Variants in IL15 observed in about 807,000 individuals in gnomAD.
The protein encoded by IL15 is interleukin 15.
Under a neutral mutation model 19.6 loss-of-function variants are expected in IL15, and 11 were observed. The ratio of observed to expected loss-of-function variants is 0.56; its 90% CI spans 0.35 to 0.93. The LOEUF is 0.93. Ranked by LOEUF, IL15 falls within the 40% of genes least tolerant of loss-of-function variation. IL15 has a pLI of 0.01. For synonymous variants in IL15, 58 were observed against 59.6 expected (o/e 0.97, Z 0.12); for missense variants, 197 against 186.5 (o/e 1.06, Z -0.33).
At chr4:141,696,545 C>T (rs563371606) in intron 2 of IL15, among the ~76,000 whole-genome samples, 10 of 152,112 alleles carry the variant, frequency 6.6e-5, no homozygotes, top group Non-Finnish European at 1.0e-4. Flanking sequence ...AATATGAATT[C>T]TTCTACTTCA....
chr4:141,724,526 A>G (rs1730195804), intron 5 of IL15, among the ~76,000 whole-genome samples: 1 of 151,808 alleles, frequency 6.6e-6, no homozygotes, highest in Admixed American at 6.6e-5. Flanking sequence ...TTAATGAAAC[A>G]TAAAACTGGT....
chr4:141,708,322 C>T (rs972329990), intron 2 of IL15, among the ~76,000 whole-genome samples: 1 of 152,128 alleles, frequency 6.6e-6, no homozygotes, highest in African/African-American at 2.4e-5. Flanking sequence ...TTCATGTGAA[C>T]ATAGTGGAAT....
intron 5 of IL15, 46 bp from the exon 6 acceptor site, chr4:141,727,894 A>C: frequency 1.2e-6 from 1 of 811,600 alleles, no homozygotes. Context: ...ATAATATTTA[A>C]AGCAGGGCAT....
intron 2 of IL15, among the ~76,000 whole-genome samples, chr4:141,707,366 T>A (rs1729553151): frequency 6.6e-6 from 1 of 152,182 alleles, no homozygotes; most frequent in Admixed American, 6.5e-5. Flanking sequence ...TCATAATTTT[T>A]AATTATTTTT....
At chr4:141,730,137 C>T (rs771623087) in intron 7 of IL15, among the ~76,000 whole-genome samples, 153 bp downstream of exon 7, 3 of 152,126 alleles carry the variant, frequency 2.0e-5, no homozygotes, top group Non-Finnish European at 4.4e-5. Flanking sequence ...CCATCTCCAG[C>T]ATGCACACAA....
intron 2 of IL15, among the ~76,000 whole-genome samples, chr4:141,700,542 A>G (rs1045578937): frequency 2.1e-4 from 32 of 152,078 alleles, no homozygotes; most frequent in African/African-American, 7.2e-4. Context: ...CTTTTTTCTC[A>G]CAGTTCTTAA....
intron 2 of IL15, among the ~76,000 whole-genome samples, chr4:141,657,437 A>T (rs1044948866): frequency 2.6e-5 from 4 of 151,776 alleles, no homozygotes; most frequent in Non-Finnish European, 4.4e-5. Context: ...TTAGATTATT[A>T]TAATTTTTTA....
intron 7 of IL15, among the ~76,000 whole-genome samples, chr4:141,730,724 C>T (rs1050987548): frequency 6.6e-6 from 1 of 151,972 alleles, no homozygotes; most frequent in Non-Finnish European, 1.5e-5. Flanking sequence ...GTGCAATGGC[C>T]CTGAAGTGCA....
chr4:141,651,782 T>C (rs1158877255), intron 1 of IL15, among the ~76,000 whole-genome samples: 1 of 152,222 alleles, frequency 6.6e-6, no homozygotes, highest in African/African-American at 2.4e-5. Flanking sequence ...AATAATTTGG[T>C]CATGTAAGTT....
chr4:141,645,593 A>G (rs1727199721), intron 1 of IL15, among the ~76,000 whole-genome samples: 1 of 152,190 alleles, frequency 6.6e-6, no homozygotes, highest in African/African-American at 2.4e-5. Context: ...TCAGTCTCAT[A>G]GTAGTTTCAA....
At chr4:141,685,730 T>G (rs1728686683) in intron 2 of IL15, among the ~76,000 whole-genome samples, 1 of 152,232 alleles carries the variant, frequency 6.6e-6, no homozygotes, top group African/African-American at 2.4e-5. Flanking sequence ...TTTTAGAATA[T>G]TATTGCATTA....
At chr4:141,731,307 C>T (rs547722754) in intron 7 of IL15, among the ~76,000 whole-genome samples, 1 of 152,226 alleles carries the variant, frequency 6.6e-6, no homozygotes, top group Admixed American at 6.5e-5. Context: ...TGGGTATTGT[C>T]TGTTTTTCCC....
chr4:141,659,354 C>A (rs1054723546), intron 2 of IL15, among the ~76,000 whole-genome samples: 2 of 152,032 alleles, frequency 1.3e-5, no homozygotes, highest in African/African-American at 2.4e-5. Flanking sequence ...AGGCACATGC[C>A]ACCATGCCCA....
intron 2 of IL15, among the ~76,000 whole-genome samples, chr4:141,695,855 A>C (rs1231629632): frequency 6.6e-6 from 1 of 152,028 alleles, no homozygotes; most frequent in African/African-American, 2.4e-5. Flanking sequence ...ATATATTCAG[A>C]TGGGTAGTTT....
chr4:141,681,756 C>CT (rs1216162888), intron 2 of IL15, among the ~76,000 whole-genome samples: 1 of 152,126 alleles, frequency 6.6e-6, no homozygotes, highest in Non-Finnish European at 1.5e-5. Flanking sequence ...TATTATAAGA[C>CT]TTTCTTTTCA....
chr4:141,641,563 C>G (rs1242622328), intron 1 of IL15, among the ~76,000 whole-genome samples: 2 of 151,786 alleles, frequency 1.3e-5, no homozygotes, highest in South Asian at 2.1e-4. Context: ...AAGCTGGAAA[C>G]CATCATTCTC....
intron 2 of IL15, among the ~76,000 whole-genome samples, chr4:141,670,605 T>C (rs1438887549): frequency 3.3e-5 from 5 of 152,188 alleles, no homozygotes; most frequent in Non-Finnish European, 7.4e-5. Context: ...TGTTTTGCTT[T>C]TTACAACAGA....
At chr4:141,660,791 TA>T (rs1232129313) in intron 2 of IL15, among the ~76,000 whole-genome samples, 2 of 152,242 alleles carry the variant, frequency 1.3e-5, no homozygotes, top group Non-Finnish European at 2.9e-5. Context: ...TATTTTTGAA[TA>T]AATTTTGTCC....
At chr4:141,685,075 C>T (rs1367604343) in intron 2 of IL15, among the ~76,000 whole-genome samples, 1 of 151,972 alleles carries the variant, frequency 6.6e-6, no homozygotes, top group Non-Finnish European at 1.5e-5. Context: ...TGATTCAAAT[C>T]AATGGACATT....
Sources: gnomAD v4.1 joint callset for allele counts (sites outside exome capture counted in the v4.1 genomes callset) on GRCh38, gnomAD v4.1.1 for gene constraint, MANE v1.5 for transcripts, NCBI Gene and HGNC (gene_info 2026-07-23, HGNC 2026-07-21) for gene names.